Variants in PLEKHA7 observed in about 807,000 individuals in gnomAD.
PLEKHA7 encodes pleckstrin homology domain containing A7.
In PLEKHA7, 104 loss-of-function variants were observed where a neutral mutation model predicts 170.0. That is an observed-to-expected ratio of 0.61 (90% CI 0.52 to 0.72). PLEKHA7 has a LOEUF of 0.72. Ranked by LOEUF, PLEKHA7 falls within the 30% of genes least tolerant of loss-of-function variation. The pLI is 0.00. For missense variants in PLEKHA7, 1,615 were observed against 1,671.7 expected, an observed-to-expected ratio of 0.97 and a Z score of 0.59; for synonymous variants, 648 against 660.8, an observed-to-expected ratio of 0.98 and a Z score of 0.30.
At chr11:16,808,866 A>G (rs1849165815) in intron 13 of PLEKHA7, among the ~76,000 whole-genome samples, 1 of 152,214 alleles carries the variant, frequency 6.6e-6, no homozygotes, top group Admixed American at 6.5e-5. Flanking sequence ...AGAGTGGGCA[A>G]AGCGTGTGAT....
chr11:17,014,280 C>T, intron 1 of PLEKHA7, 36 bp downstream of exon 1: 4 of 1,414,540 alleles, frequency 2.8e-6, no homozygotes, highest in Non-Finnish European at 3.7e-6. Context: ...CGCGCCCCCA[C>T]CCGCGTCCCC....
At chr11:16,927,222 T>G (rs569674720) in intron 3 of PLEKHA7, among the ~76,000 whole-genome samples, 1 of 152,218 alleles carries the variant, frequency 6.6e-6, no homozygotes, top group Non-Finnish European at 1.5e-5. Flanking sequence ...TAGGACATTG[T>G]TTCTCCATAT....
chr11:16,888,425 T>C (rs1261058626), intron 3 of PLEKHA7, among the ~76,000 whole-genome samples: 2 of 152,306 alleles, frequency 1.3e-5, no homozygotes, highest in Non-Finnish European at 2.9e-5. Context: ...GGGGAGGGGA[T>C]GGAGAGGTCG....
chr11:16,778,941 C>T lies in PLEKHA7; in HGVS notation c.*57G>A. On this transcript the variant is annotated 3_prime_UTR_variant, in exon 27 of 27. Coordinates refer to ENST00000531066, the MANE Select transcript of PLEKHA7 (RefSeq NM_001329630.2). The stretch of plus-strand genomic sequence containing the variant: ...TTCCTTGGGGGCAGAAAGGTCATCT[C>T]CTTGGAGGAAGCTGGTTCCACTGGG... 1 of 702,568 alleles carries T rather than the reference C, an allele frequency of 1.4e-6. No homozygotes were observed. Among genetic ancestry groups the T allele is most frequent in the South Asian group, 1.5e-5 (1 of 67,596 alleles). The allele number at this position is 702,568 out of a possible 1,614,324, so 43.5% of individuals were successfully genotyped here.
intron 3 of PLEKHA7, among the ~76,000 whole-genome samples, chr11:16,950,102 C>T (rs1310925669): frequency 6.7e-6 from 1 of 149,312 alleles, no homozygotes; most frequent in Non-Finnish European, 1.5e-5. Flanking sequence ...GGGGGCGGAG[C>T]ACAGAGAAGG....
intron 4 of PLEKHA7, among the ~76,000 whole-genome samples, chr11:16,858,356 A>G (rs1482928384): frequency 6.6e-6 from 1 of 152,242 alleles, no homozygotes; most frequent in East Asian, 1.9e-4. Context: ...AAATAACTGC[A>G]TCACGTTCCA....
At chr11:16,837,290 T>C (rs1399641958) in intron 9 of PLEKHA7, among the ~76,000 whole-genome samples, 1 of 152,150 alleles carries the variant, frequency 6.6e-6, no homozygotes, top group Non-Finnish European at 1.5e-5. Context: ...AACACCAAAA[T>C]CTGATGCTAA....
intron 3 of PLEKHA7, among the ~76,000 whole-genome samples, chr11:16,877,356 C>A (rs1204456652): frequency 1.3e-5 from 2 of 152,160 alleles, no homozygotes; most frequent in African/African-American, 4.8e-5. Context: ...TCTGAGAATA[C>A]AAGAAATTGC....
chr11:16,944,673 C>G (rs1166682630), intron 3 of PLEKHA7, among the ~76,000 whole-genome samples: 1 of 152,070 alleles, frequency 6.6e-6, no homozygotes, highest in Non-Finnish European at 1.5e-5. Context: ...TGAGGTACAT[C>G]ATAACAGACA....
At chr11:16,988,027 A>T (rs1863837140) in intron 3 of PLEKHA7, among the ~76,000 whole-genome samples, 1 of 152,214 alleles carries the variant, frequency 6.6e-6, no homozygotes, top group African/African-American at 2.4e-5. Context: ...TGCACCTGTT[A>T]ATAACCAGTG....
chr11:16,908,383 G>A (rs1410728564), intron 3 of PLEKHA7, among the ~76,000 whole-genome samples: 1 of 152,122 alleles, frequency 6.6e-6, no homozygotes, highest in Non-Finnish European at 1.5e-5. Flanking sequence ...ACTATGTGAG[G>A]ATACAGTGAG....
chr11:16,950,965 T>A (rs1271426307), intron 3 of PLEKHA7, among the ~76,000 whole-genome samples: 2 of 152,310 alleles, frequency 1.3e-5, no homozygotes, highest in East Asian at 1.9e-4. Flanking sequence ...AAAGCATCCA[T>A]CGCAGGCCTG....
chr11:16,870,285 CCCCCTA>C (rs2135659061), intron 4 of PLEKHA7, among the ~76,000 whole-genome samples: 1 of 152,108 alleles, frequency 6.6e-6, no homozygotes, highest in East Asian at 1.9e-4. Context: ...TGAGGGTACA[CCCCCTA>C]CCCCCACCCC....
At chr11:16,996,407 CT>C (rs1183762268) in intron 3 of PLEKHA7, among the ~76,000 whole-genome samples, 1 of 152,218 alleles carries the variant, frequency 6.6e-6, no homozygotes, top group Non-Finnish European at 1.5e-5. Flanking sequence ...CCTATCCCAT[CT>C]GAGAACCACA....
At chr11:16,951,219 T>C (rs147341906) in intron 3 of PLEKHA7, among the ~76,000 whole-genome samples, 2 of 152,184 alleles carry the variant, frequency 1.3e-5, no homozygotes, top group East Asian at 3.8e-4. Context: ...AATACTGGTA[T>C]AGGAACCCAG....
At chr11:17,000,771 C>T (rs1864618448) in intron 3 of PLEKHA7, among the ~76,000 whole-genome samples, 1 of 152,208 alleles carries the variant, frequency 6.6e-6, no homozygotes, top group South Asian at 2.1e-4. Context: ...CAGAGAGGTT[C>T]AAGTGACCTG....
intron 19 of PLEKHA7, among the ~76,000 whole-genome samples, chr11:16,793,009 G>A (rs1449191333): frequency 6.6e-6 from 1 of 152,168 alleles, no homozygotes; most frequent in Non-Finnish European, 1.5e-5. Flanking sequence ...ATTCCTAGGA[G>A]AGAGGACCTC....
chr11:16,791,032 C>T lies in PLEKHA7; in HGVS notation c.2913G>A (p.Gln971=). 6.2e-7 allele frequency: 1 copy of T among 1,614,158 alleles called. No individual in the cohort carries two copies. Among genetic ancestry groups the T allele is most frequent in the Non-Finnish European group, 8.5e-7 (1 of 1,180,046 alleles). ...TCACCCTGGAATCCCCATTCACACA[C>T]TGCCCCAGCTCCCGGTCTCGCTTCC... ...DERKRDRELG[Q]CVNGDSRVEL... The change falls in exon 20 of 27, where the codon CAG becomes CAA. Residue 971 remains glutamine, a synonymous_variant. Coordinates refer to ENST00000531066, the MANE Select transcript of PLEKHA7 (RefSeq NM_001329630.2). This position sits in a 1 kb window ranked among gnomAD's most constrained non-coding sequence, Gnocchi z 4.5.
chr11:16,841,487 A>G, intron 9 of PLEKHA7, 60 bp downstream of exon 9: 3 of 1,558,712 alleles, frequency 1.9e-6, no homozygotes, highest in Non-Finnish European at 2.6e-6. Context: ...AAGAGGACCT[A>G]TCTGGGTCCC....
Sources: gnomAD v4.1 joint callset for allele counts (sites outside exome capture counted in the v4.1 genomes callset) on GRCh38, gnomAD v4.1.1 for gene constraint, Gnocchi (gnomAD v3.1) non-coding constraint, MANE v1.5 for transcripts, NCBI Gene and HGNC (gene_info 2026-07-23, HGNC 2026-07-21) for gene names.